ZNF669: variants seen among roughly 807,000 people sequenced by gnomAD.
The protein encoded by ZNF669 is zinc finger protein 669.
ZNF669 carries 7 observed loss-of-function variants against 11.4 expected under a neutral mutation model. That is an observed-to-expected ratio of 0.62 (90% CI 0.35 to 1.16). The LOEUF is 1.16. Ranked by LOEUF, ZNF669 falls within the 50% of genes most tolerant of loss-of-function variation. ZNF669 has a pLI of 0.02. For synonymous variants in ZNF669, 153 were observed against 155.8 expected (o/e 0.98, Z 0.13); for missense variants, 492 against 463.6 (o/e 1.06, Z -0.56).
Position 247,100,353 on chromosome 1 carries a change from G to A in ZNF669, c.*21C>T, listed in dbSNP as rs1671690795. 2 of 1,384,912 alleles carry A rather than the reference G, an allele frequency of 1.4e-6. No individual in the cohort carries two copies. Among genetic ancestry groups the A allele is most frequent in the East Asian group, 4.6e-5 (2 of 43,740 alleles). 85.8% of individuals were successfully genotyped at this position (1,384,912 alleles called of 1,614,324 possible). ...GTTGTTTCACATTGTTTTAATCCAGGCTGGTTATGAACTCCTGGGCTCAAG... is the reference window on the plus strand; with the variant it reads ...GTTGTTTCACATTGTTTTAATCCAGACTGGTTATGAACTCCTGGGCTCAAG... On this transcript the variant is annotated 3_prime_UTR_variant, in exon 4 of 4. Transcript: ENST00000448299.
At chr1:247,101,872 GTGCCCATGCC>G (rs1671731882) in intron 2 of ZNF669, 81 bp from the exon 3 acceptor site, 1 of 1,600,444 alleles carries the variant, frequency 6.2e-7, no homozygotes, top group African/African-American at 1.3e-5. Flanking sequence ...ACTGTACACA[GTGCCCATGCC>G]TGATTTATTC....
chr1:247,102,815 G>T (rs775028725), intron 1 of ZNF669, among the ~76,000 whole-genome samples: 6 of 152,122 alleles, frequency 3.9e-5, no homozygotes, highest in Non-Finnish European at 7.4e-5. Context: ...AAATTTAATT[G>T]AGTAGTAAAT....
chr1:247,101,700 G>A, intron 3 of ZNF669, 31 bp downstream of exon 3: 1 of 1,581,856 alleles, frequency 6.3e-7, no homozygotes, highest in South Asian at 1.1e-5. Flanking sequence ...TCCTTCAGAG[G>A]ACTTTATTTC....
chr1:247,104,304 A>C lies in ZNF669; in HGVS notation c.-105T>G, dbSNP rs1671798905. 7.2e-7 allele frequency: 1 copy of C among 1,382,914 alleles called. No individual in the cohort carries two copies. Among genetic ancestry groups the C allele is most frequent in the South Asian group, 1.6e-5 (1 of 61,190 alleles). The allele number at this position is 1,382,914 out of a possible 1,614,324, so 85.7% of individuals were successfully genotyped here. A position where few individuals can be genotyped will look rare whatever the true frequency, so the allele number is the denominator to read the frequency against. On this transcript the variant is annotated 5_prime_UTR_variant, in exon 1 of 4. Coordinates refer to ENST00000448299, the MANE Select transcript of ZNF669 (RefSeq NM_001142572.2). Reference sequence around the variant, plus strand: ...AGAGCCACCTGGGCCTCCCAGAGCCAAGAACTAGCAGCGGAGACTAACAGG... The same window carrying C: ...AGAGCCACCTGGGCCTCCCAGAGCCCAGAACTAGCAGCGGAGACTAACAGG...
rs778820316 is a variant in ZNF669 at position 247,104,241 on chromosome 1, C to A, written c.-42G>T. 7 of 1,495,984 alleles carry A rather than the reference C, an allele frequency of 4.7e-6. No homozygotes were observed. The East Asian group carries it at 7.4e-5, about 16-fold the overall frequency. The allele number at this position is 1,495,984 out of a possible 1,614,324, so 92.7% of individuals were successfully genotyped here. A position where few individuals can be genotyped will look rare whatever the true frequency, so the allele number is the denominator to read the frequency against. On this transcript the variant is annotated 5_prime_UTR_variant, in exon 1 of 4. Coordinates refer to ENST00000448299, the MANE Select transcript of ZNF669 (RefSeq NM_001142572.2). The stretch of plus-strand genomic sequence containing the variant: ...TGTCCTGGCGTCAGCTAGGGATGTC[C>A]CAATACTCGCAGGTCACAGGGTGGC...
chr1:247,100,477 C>T lies in ZNF669; in HGVS notation c.1034G>A (p.Ser345Asn). The change falls in exon 4 of 4, where the codon AGT (serine) becomes AAT (asparagine). Residue 345 changes from serine to asparagine, a missense_variant. By Grantham distance (46) the Ser-to-Asn change is conservative (BLOSUM62 1). Coordinates refer to ENST00000448299, the MANE Select transcript of ZNF669 (RefSeq NM_001142572.2). Reference sequence around the variant, plus strand: ...ACTTCTTTCATGGCGAGTAAGGTGACTGGAACGAGTGTAGGCTTTACCGCA... The same window carrying T: ...ACTTCTTTCATGGCGAGTAAGGTGATTGGAACGAGTGTAGGCTTTACCGCA... Reference protein sequence around the residue: ...KKCGKAYTRSSHLTRHERSHD... With the variant: ...KKCGKAYTRSNHLTRHERSHD... 1 of 1,614,224 alleles carries T rather than the reference C, an allele frequency of 6.2e-7. No homozygotes were observed. Among genetic ancestry groups the T allele is most frequent in the South Asian group, 1.1e-5 (1 of 91,084 alleles).
At position 247,100,732 on chromosome 1, in the gene ZNF669, G is replaced by T. The variant is rs760696254; in HGVS notation, c.779C>A (p.Ser260Tyr). The change falls in exon 4 of 4, where the codon TCC becomes TAC. Residue 260 changes from serine (S) to tyrosine (Y), a missense_variant. By Grantham distance (144) the Ser-to-Tyr change is moderately radical (BLOSUM62 -2). Coordinates refer to ENST00000448299, the MANE Select transcript of ZNF669 (RefSeq NM_001142572.2). ...GCTTCCATGGTAACGAAGGGAAGTG[G>T]AACAGCTGAAGGCTTTATCACATTT... ...CTKCDKAFSC[S>Y]TSLRYHGSIH... 32 of 1,614,054 alleles carry T rather than the reference G, an allele frequency of 2.0e-5. No individual in the cohort carries two copies. Among genetic ancestry groups the T allele is most frequent in the Non-Finnish European group, 2.7e-5 (32 of 1,180,030 alleles).
chr1:247,100,603 G>GTATGA lies in ZNF669; in HGVS notation c.907_908insTCATA (p.Pro303LeufsTer56). The stretch of plus-strand genomic sequence containing the variant: ...TTGATCACATTGTTTACATTCATAG[G>GTATGA]GTTTCTCTCCGGTATGAGTACTTCT... On this transcript the variant is annotated frameshift_variant, in exon 4 of 4. Transcript: ENST00000448299. LOFTEE classifies it low-confidence loss of function (END_TRUNC). 1 of 1,614,140 alleles carries GTATGA rather than the reference G, an allele frequency of 6.2e-7. No homozygotes were observed. Among genetic ancestry groups the GTATGA allele is most frequent in the Admixed American group, 1.7e-5 (1 of 60,010 alleles).
chr1:247,101,741 T>A lies in ZNF669; in HGVS notation c.181A>T (p.Lys61Ter). The change falls in exon 3 of 4, where the codon AAA (lysine) becomes TAA (stop). Residue 61 changes from lysine to a stop codon, truncating the protein, a stop_gained. Coordinates refer to ENST00000448299, the MANE Select transcript of ZNF669 (RefSeq NM_001142572.2). LOFTEE classifies it low-confidence loss of function (END_TRUNC). Reference sequence around the variant, plus strand: ...CTCAGTGCAAATTACCTTATATCTTTCCCAGGTTTTTCGAAGTGATCTTCA... The same window carrying A: ...CTCAGTGCAAATTACCTTATATCTTACCCAGGTTTTTCGAAGTGATCTTCA... ...NIEDHFEKPGKDIRNHIVQRL... is the reference protein window; with the variant it reads ...NIEDHFEKPG 1 of 1,614,022 alleles carries A rather than the reference T, an allele frequency of 6.2e-7. No individual in the cohort carries two copies. The highest frequency in any genetic ancestry group is 8.5e-7 in the Non-Finnish European group (1 of 1,179,976).
At position 247,101,180 on chromosome 1, in the gene ZNF669, C is replaced by G. The variant is rs755095482; in HGVS notation, c.331G>C (p.Val111Leu). The G allele has an allele frequency of 1.9e-6, 3 of 1,614,090 alleles. No homozygotes were observed. In the Admixed American group the frequency reaches 5.0e-5, roughly 27 times the overall value. ...KPCECSICGK[V>L]FVRHSLLNRH... The stretch of plus-strand genomic sequence containing the variant: ...TTAAGGAGGGAATGACGTACAAAGA[C>G]TTTTCCACAAATACTGCATTCACAT... The change falls in exon 4 of 4, where the codon GTC (valine) becomes CTC (leucine). Residue 111 changes from valine to leucine, a missense_variant. Val to Leu is a conservative substitution (Grantham distance 32). Coordinates refer to ENST00000448299, the MANE Select transcript of ZNF669 (RefSeq NM_001142572.2).
At chr1:247,103,791 GTT>G (rs1385272481) in intron 1 of ZNF669, 1 of 1,151,188 alleles carries the variant, frequency 8.7e-7, no homozygotes, top group Non-Finnish European at 1.2e-6. Flanking sequence ...ACGGTTTAAC[GTT>G]TTAACAAAGC....
rs541335805 is a variant in ZNF669 at position 247,100,846 on chromosome 1, C to T, written c.665G>A (p.Cys222Tyr). The change falls in exon 4 of 4, where the codon TGT (cysteine) becomes TAT (tyrosine). Residue 222 changes from cysteine to tyrosine, a missense_variant. Coordinates refer to ENST00000448299, the MANE Select transcript of ZNF669 (RefSeq NM_001142572.2). ...RTHTGEKPYE[C>Y]KECGKTFRFS... ...TCTGAATGTTTTCCCACATTCCTTA[C>T]ATTCGTAGGGTTTCTCTCCAGTGTG... 6.2e-7 allele frequency: 1 copy of T among 1,614,154 alleles called. No homozygotes were observed. The highest frequency in any genetic ancestry group is 1.3e-5 in the African/African-American group (1 of 75,058).
intron 1 of ZNF669, 105 bp downstream of exon 1, chr1:247,104,092 G>C (rs1312052036): frequency 1.3e-6 from 2 of 1,593,874 alleles, no homozygotes; most frequent in Non-Finnish European, 1.7e-6. Context: ...ACGGCGACTC[G>C]GTCCGCAGGT....
rs773177774 is a variant in ZNF669 at position 247,100,273 on chromosome 1, C to T, written c.*101G>A. The T allele has an allele frequency of 1.8e-4, 138 of 772,780 alleles. No homozygotes were observed. The highest frequency in any genetic ancestry group is 1.5e-4 in the Admixed American group (5 of 34,038). The allele number at this position is 772,780 out of a possible 1,614,324, so 47.9% of individuals were successfully genotyped here. Reference sequence around the variant, plus strand: ...TGCTGGGATTACAGGCGTAAGCCACCGTGCCCGGCATTATTTTATTTTTTG... The same window carrying T: ...TGCTGGGATTACAGGCGTAAGCCACTGTGCCCGGCATTATTTTATTTTTTG... On this transcript the variant is annotated 3_prime_UTR_variant, in exon 4 of 4. Coordinates refer to ENST00000448299, the MANE Select transcript of ZNF669 (RefSeq NM_001142572.2).
rs1388334443 is a variant in ZNF669, at chr1:247,100,841, C to A, written c.670G>T (p.Glu224Ter). The change falls in exon 4 of 4, where the codon GAA (glutamate) becomes TAA (stop). Residue 224 changes from glutamate (E) to a stop codon, truncating the protein, a stop_gained. Coordinates refer to ENST00000448299, the MANE Select transcript of ZNF669 (RefSeq NM_001142572.2). LOFTEE classifies it low-confidence loss of function (END_TRUNC). Reference protein sequence around the residue: ...HTGEKPYECKECGKTFRFSCS... With the variant: ...HTGEKPYECK ...GAAAATCTGAATGTTTTCCCACATT[C>A]CTTACATTCGTAGGGTTTCTCTCCA... 1.2e-6 allele frequency: 2 copies of A among 1,614,022 alleles called. No homozygotes were observed. The highest frequency in any genetic ancestry group is 2.2e-5 in the East Asian group (1 of 44,882).
chr1:247,102,005 T>C lies in ZNF669; in HGVS notation c.112A>G (p.Arg38Gly), dbSNP rs202101391. The C allele has an allele frequency of 2.3e-4, 371 of 1,614,028 alleles. 4 individuals are homozygous for C. In the East Asian group the frequency reaches 7.3e-3, roughly 32 times the overall value. ...TTCTTACCTACAGAAGCCAGGTTCCTGCAGGTTTCCTGCATCACTTCTCTG... is the reference window on the plus strand; with the variant it reads ...TTCTTACCTACAGAAGCCAGGTTCCCGCAGGTTTCCTGCATCACTTCTCTG... ...LYREVMQETC[R>G]NLASVGSQWK... The change falls in exon 2 of 4, where the codon AGG becomes GGG. Residue 38 changes from arginine (R) to glycine (G), a missense_variant. Physicochemically the swap from Arg to Gly is moderately radical, Grantham distance 125. Transcript: ENST00000448299.
Position 247,100,438 on chromosome 1 carries a change from G to A in ZNF669, c.1073C>T (p.Ala358Val), listed in dbSNP as rs1053659973. The A allele has an allele frequency of 5.6e-6, 9 of 1,614,166 alleles. No homozygotes were observed. The highest frequency in any genetic ancestry group is 7.6e-6 in the Non-Finnish European group (9 of 1,180,034). The change falls in exon 4 of 4, where the codon GCT becomes GTT. Residue 358 changes from alanine (A) to valine (V), a missense_variant. By Grantham distance (64) the Ala-to-Val change is moderately conservative. Coordinates refer to ENST00000448299, the MANE Select transcript of ZNF669 (RefSeq NM_001142572.2). ...ATTATAGGCTGAGTCACTACACCCA[G>A]CCTCTATATCATGACTTCTTTCATG... ...TRHERSHDIE[A>V]GCSDSAYNPS...
At chr1:247,103,938 C>T (rs1178405942) in intron 1 of ZNF669, 3 of 1,598,138 alleles carry the variant, frequency 1.9e-6, no homozygotes, top group Admixed American at 3.5e-5. Context: ...CACCACACTA[C>T]CTGGATAGGG....
In ZNF669 at chr1:247,100,266, A is replaced by G. The variant is rs562043171; in HGVS notation, c.*108T>C. 20 of 736,528 alleles carry G rather than the reference A, an allele frequency of 2.7e-5. No individual in the cohort carries two copies. Among genetic ancestry groups the G allele is most frequent in the East Asian group, 5.4e-5 (2 of 37,070 alleles). The allele number at this position is 736,528 out of a possible 1,614,324, so 45.6% of individuals were successfully genotyped here. On this transcript the variant is annotated 3_prime_UTR_variant, in exon 4 of 4. Transcript: ENST00000448299. ...CCCAAAGTGCTGGGATTACAGGCGTAAGCCACCGTGCCCGGCATTATTTTA... is the reference window on the plus strand; with the variant it reads ...CCCAAAGTGCTGGGATTACAGGCGTGAGCCACCGTGCCCGGCATTATTTTA...
Sources: gnomAD v4.1 joint callset for allele counts (sites outside exome capture counted in the v4.1 genomes callset) on GRCh38, gnomAD v4.1.1 for gene constraint, MANE v1.5 for transcripts, NCBI Gene and HGNC (gene_info 2026-07-23, HGNC 2026-07-21) for gene names.